TBC1D8: variants seen among roughly 807,000 people sequenced by gnomAD.
TBC1D8 encodes the protein BUB2-like protein 1.
A neutral mutation model predicts 118.8 loss-of-function variants in TBC1D8; 65 were observed. That is an observed-to-expected ratio of 0.55 (90% CI 0.45 to 0.67). The LOEUF is 0.67. Among genes scored for constraint, TBC1D8 ranks in the 30% least tolerant of loss-of-function variants. TBC1D8 has a pLI of 0.00. For missense variants in TBC1D8, 1,376 were observed against 1,471.2 expected, an observed-to-expected ratio of 0.94 and a Z score of 1.06; for synonymous variants, 566 against 595.8, an observed-to-expected ratio of 0.95 and a Z score of 0.73.
intron 1 of TBC1D8, among the ~76,000 whole-genome samples, chr2:101,127,304 C>G (rs1366804007): frequency 1.3e-5 from 2 of 151,618 alleles, no homozygotes; most frequent in African/African-American, 4.9e-5. Context: ...CCACTGCACT[C>G]CAGCCCGGGC....
At chr2:101,073,286 A>ATTTTTTTTTTTTTTTTTT (rs1558676266) in intron 2 of TBC1D8, among the ~76,000 whole-genome samples, 1 of 142,860 alleles carries the variant, frequency 7.0e-6, no homozygotes, top group African/African-American at 2.7e-5. Flanking sequence ...ATTTTATTTT[A>ATTTTTTTTTTTTTTTTTT]TTTTATTTTA....
chr2:101,050,476 G>A lies in TBC1D8; in HGVS notation c.797C>T (p.Thr266Met), dbSNP rs199891498. Residue 266 changes from threonine (T) to methionine (M), a missense_variant, in exon 5 of 20, where the codon ACG becomes ATG. Thr to Met is a moderately conservative substitution (Grantham distance 81). Coordinates refer to ENST00000409318, the MANE Select transcript of TBC1D8 (RefSeq NM_001330348.2). The part of the protein sequence containing the change: ...FKVMEQLADV[T>M]LRRLLDNEVF... ...CTCATTATCCAGCAGCCTTCGCAGC[G>A]TCACGTCGGCCAGCTGCTCCATGAC... 32 of 1,613,900 alleles carry A rather than the reference G, an allele frequency of 2.0e-5. No homozygotes were observed. The East Asian group carries it at 3.8e-4, about 19-fold the overall frequency.
intron 17 of TBC1D8, among the ~76,000 whole-genome samples, chr2:101,013,754 A>AT (rs1403108006): frequency 2.0e-5 from 3 of 152,246 alleles, no homozygotes; most frequent in African/African-American, 7.2e-5. Flanking sequence ...CAGTTCCACC[A>AT]TAAGTGTCTT....
chr2:101,140,779 T>TTTA (rs1679067574), intron 1 of TBC1D8, among the ~76,000 whole-genome samples: 1 of 110,270 alleles, frequency 9.1e-6, no homozygotes, highest in African/African-American at 3.3e-5. Context: ...TTTTTTTTTT[T>TTTA]GAGACAGAGT....
At chr2:101,102,863 C>CA (rs1379253516) in intron 1 of TBC1D8, among the ~76,000 whole-genome samples, 2 of 149,108 alleles carry the variant, frequency 1.3e-5, no homozygotes, top group Admixed American at 6.7e-5. Flanking sequence ...GGCAACATAG[C>CA]AAAAAAAATA....
intron 6 of TBC1D8, among the ~76,000 whole-genome samples, 161 bp from the exon 7 acceptor site, chr2:101,038,816 G>C (rs1033775435): frequency 6.6e-6 from 1 of 152,208 alleles, no homozygotes; most frequent in African/African-American, 2.4e-5. Context: ...CACCACAAGG[G>C]GAGGCTGTGC....
intron 17 of TBC1D8, among the ~76,000 whole-genome samples, chr2:101,016,899 G>A (rs1360682575): frequency 6.6e-6 from 1 of 150,802 alleles, no homozygotes; most frequent in Non-Finnish European, 1.5e-5. Context: ...ACATGAAGGG[G>A]AACATCACAC....
intron 1 of TBC1D8, among the ~76,000 whole-genome samples, chr2:101,125,005 G>T (rs1011532977): frequency 9.9e-5 from 15 of 152,162 alleles, no homozygotes; most frequent in African/African-American, 3.4e-4. Context: ...GATCACCAAG[G>T]TTCGTGACAT....
At chr2:101,088,296 T>TC (rs1444836036) in intron 2 of TBC1D8, among the ~76,000 whole-genome samples, 2 of 152,038 alleles carry the variant, frequency 1.3e-5, no homozygotes, top group Non-Finnish European at 2.9e-5. Flanking sequence ...CTCTCTCTTT[T>TC]CTTTTTTTTT....
chr2:101,095,025 G>A (rs1255731159), intron 1 of TBC1D8, among the ~76,000 whole-genome samples: 1 of 152,082 alleles, frequency 6.6e-6, no homozygotes, highest in Admixed American at 6.6e-5. Flanking sequence ...ACTTGCTGGA[G>A]GCTGAGTGTG....
chr2:101,038,338 C>T, intron 7 of TBC1D8, 123 bp downstream of exon 7: 1 of 1,137,012 alleles, frequency 8.8e-7, no homozygotes, highest in Non-Finnish European at 1.3e-6. Context: ...GAAATGACAG[C>T]AGACCACACA....
At chr2:101,086,700 G>C (rs1309117340) in intron 2 of TBC1D8, among the ~76,000 whole-genome samples, 1 of 152,184 alleles carries the variant, frequency 6.6e-6, no homozygotes, top group Non-Finnish European at 1.5e-5. Context: ...GGCCACATTG[G>C]AAGAAGAAGA....
At chr2:101,061,119 C>T (rs1030693982) in intron 2 of TBC1D8, among the ~76,000 whole-genome samples, 7 of 130,468 alleles carry the variant, frequency 5.4e-5, no homozygotes, top group South Asian at 2.6e-4. Context: ...ACCTGGGAGG[C>T]GGAGATTGCA....
chr2:101,028,359 C>T lies in TBC1D8; in HGVS notation c.2296G>A (p.Asp766Asn), dbSNP rs755006747. The change falls in exon 13 of 20, where the codon GAC (aspartate) becomes AAC (asparagine). Residue 766 changes from aspartate (D) to asparagine (N), a missense_variant. Transcript: ENST00000409318. ...VGSHHAFFSD[D>N]QEPYPVTDIS... ...TCAGTCACAGGGTAGGGCTCCTGGT[C>T]GTCGGAGAAAAAGGCATGGTGGCTG... 125 of 1,612,062 alleles carry T rather than the reference C, an allele frequency of 7.8e-5. No homozygotes were observed. The highest frequency in any genetic ancestry group is 4.9e-4 in the Middle Eastern group (3 of 6,066).
chr2:101,023,805 G>T, intron 15 of TBC1D8: 1 of 277,988 alleles, frequency 3.6e-6, no homozygotes, highest in Admixed American at 5.5e-5. Flanking sequence ...AGTAACTGCA[G>T]GGTTCTTGAC....
intron 16 of TBC1D8, 59 bp from the exon 17 acceptor site, chr2:101,021,805 C>T: frequency 9.0e-7 from 1 of 1,110,788 alleles, no homozygotes; most frequent in Non-Finnish European, 1.3e-6. Flanking sequence ...TTTGTCAGGA[C>T]ACAAACTCAC....
chr2:101,025,783 G>A (rs948650868), intron 15 of TBC1D8, among the ~76,000 whole-genome samples: 2 of 152,174 alleles, frequency 1.3e-5, no homozygotes, highest in East Asian at 1.9e-4. Flanking sequence ...TACACAAGGC[G>A]CCGTTTCAGG....
intron 8 of TBC1D8, among the ~76,000 whole-genome samples, chr2:101,037,176 C>G (rs1460324320): frequency 6.6e-6 from 1 of 152,010 alleles, no homozygotes; most frequent in African/African-American, 2.4e-5. Flanking sequence ...CCTCTTCTCC[C>G]AGAAGACAAA....
rs368618178 is a variant in TBC1D8 at position 101,028,360 on chromosome 2, G to T, written c.2295C>A (p.Asp765Glu). The T allele has an allele frequency of 6.2e-7, 1 of 1,612,066 alleles. No individual in the cohort carries two copies. Among genetic ancestry groups the T allele is most frequent in the Non-Finnish European group, 8.5e-7 (1 of 1,179,212 alleles). Residue 765 changes from aspartate to glutamate, a missense_variant, in exon 13 of 20, where the codon GAC (aspartate) becomes GAA (glutamate). By Grantham distance (45) the Asp-to-Glu change is conservative. Coordinates refer to ENST00000409318, the MANE Select transcript of TBC1D8 (RefSeq NM_001330348.2). ...CAGTCACAGGGTAGGGCTCCTGGTC[G>T]TCGGAGAAAAAGGCATGGTGGCTGC... ...PVGSHHAFFSDDQEPYPVTDI... is the reference protein window; with the variant it reads ...PVGSHHAFFSEDQEPYPVTDI...
Sources: gnomAD v4.1 joint callset for allele counts (sites outside exome capture counted in the v4.1 genomes callset) on GRCh38, gnomAD v4.1.1 for gene constraint, MANE v1.5 for transcripts, NCBI Gene and HGNC (gene_info 2026-07-23, HGNC 2026-07-21) for gene names.